The following ADCY1 variants were observed in gnomAD, a reference collection of about 807,000 sequenced individuals.
ADCY1 encodes the protein adenylate cyclase 1.
In ADCY1, 28 loss-of-function variants were observed where a neutral mutation model predicts 105.4. The observed-to-expected ratio is 0.27, with a 90% confidence interval of 0.20 to 0.36. The LOEUF is 0.36. Ranked by LOEUF, ADCY1 falls within the 10% of genes least tolerant of loss-of-function variation. The pLI is 1.00. For synonymous variants in ADCY1, 655 were observed against 623.8 expected (o/e 1.05, Z -0.75); for missense variants, 977 against 1,434.2 (o/e 0.68, Z 5.15).
intron 4 of ADCY1, among the ~76,000 whole-genome samples, chr7:45,625,516 G>T (rs553732781): frequency 6.6e-6 from 1 of 152,214 alleles, no homozygotes; most frequent in African/African-American, 2.4e-5. Flanking sequence ...TGTGAACATG[G>T]GTGTGCATGT....
chr7:45,662,379 C>T (rs1010772296), intron 8 of ADCY1, among the ~76,000 whole-genome samples, 165 bp downstream of exon 8: 27 of 152,174 alleles, frequency 1.8e-4, no homozygotes, highest in African/African-American at 6.0e-4. Flanking sequence ...TTATTTCCTG[C>T]AAAAGTCATT....
In ADCY1 at chr7:45,679,657, C is replaced by T. The variant is rs372427970; in HGVS notation, c.1899-52C>T. Reference sequence around the variant, plus strand: ...CCAATTCTCAGCCATCTCTTGGGTCCGCCTCTCCTAATCCCCACCTATCAG... The same window carrying T: ...CCAATTCTCAGCCATCTCTTGGGTCTGCCTCTCCTAATCCCCACCTATCAG... On this transcript the variant is annotated intron_variant, in intron 10 of 19. Coordinates refer to ENST00000297323, the MANE Select transcript of ADCY1 (RefSeq NM_021116.4). 2.8e-5 allele frequency: 45 copies of T among 1,590,756 alleles called. No homozygotes were observed. In the African/African-American group the frequency reaches 3.5e-4, roughly 12 times the overall value.
At chr7:45,630,858 A>T (rs953859110) in intron 4 of ADCY1, among the ~76,000 whole-genome samples, 3 of 152,028 alleles carry the variant, frequency 2.0e-5, no homozygotes, top group Admixed American at 2.0e-4. Context: ...GTTTGCATTT[A>T]CAGATTCCAG....
chr7:45,663,067 TG>T (rs1454821113), intron 8 of ADCY1, among the ~76,000 whole-genome samples: 6 of 152,208 alleles, frequency 3.9e-5, no homozygotes, highest in Non-Finnish European at 8.8e-5. Flanking sequence ...ATGTCTGTGG[TG>T]GTCCCAGTAG....
Position 45,722,556 on chromosome 7 carries a change from TCAAA to T in ADCY1, c.*8565_*8568del, listed in dbSNP as rs1785497609. 1 of 152,222 alleles carries T rather than the reference TCAAA, an allele frequency of 6.6e-6. No homozygotes were observed. Among genetic ancestry groups the T allele is most frequent in the Non-Finnish European group, 1.5e-5 (1 of 68,036 alleles). The allele number at this position is 152,222 out of a possible 1,614,324, so 9.4% of individuals were successfully genotyped here. ...TTTATACTGATTGCACACCCCCCGCTCAAACAACAATGTCCTTATTATGATGACC... is the reference window on the plus strand; with the variant it reads ...TTTATACTGATTGCACACCCCCCGCTCAACAATGTCCTTATTATGATGACC... On this transcript the variant is annotated 3_prime_UTR_variant, in exon 20 of 20. Coordinates refer to ENST00000297323, the MANE Select transcript of ADCY1 (RefSeq NM_021116.4).
intron 14 of ADCY1, among the ~76,000 whole-genome samples, chr7:45,696,387 T>TGA (rs1274853857): frequency 7.5e-6 from 1 of 133,350 alleles, no homozygotes; most frequent in African/African-American, 2.9e-5. Flanking sequence ...TGCAGTGAGC[T>TGA]GAGATCACCC....
At position 45,708,323 on chromosome 7, in the gene ADCY1, G is replaced by A; in HGVS notation, c.2818-27G>A. ...CCCTCTTGCCTTGCACTCCCCAGAT[G>A]TAATGACCCCATCTGTTTACACCTA... is the stretch of plus-strand genomic sequence containing the variant. On this transcript the variant is annotated intron_variant, in intron 17 of 19. Transcript: ENST00000297323. This position sits in a 1 kb window ranked among gnomAD's most constrained non-coding sequence, Gnocchi z 4.7. 1.3e-6 allele frequency: 2 copies of A among 1,573,100 alleles called. No individual in the cohort carries two copies. Among genetic ancestry groups the A allele is most frequent in the Non-Finnish European group, 1.7e-6 (2 of 1,143,290 alleles).
At chr7:45,680,276 C>T (rs77729758) in intron 11 of ADCY1, 2,260 of 196,774 alleles carry the variant, frequency 0.011, 19 homozygotes, top group Middle Eastern at 0.019. Flanking sequence ...ATGTCACAGA[C>T]TTTGGAGAGG....
At chr7:45,700,312 C>T (rs775772619) in intron 14 of ADCY1, among the ~76,000 whole-genome samples, 4 of 152,310 alleles carry the variant, frequency 2.6e-5, no homozygotes, top group African/African-American at 7.2e-5. Context: ...GATCTTTCTT[C>T]GTCCCGTCGG....
chr7:45,714,006 G>T lies in ADCY1; in HGVS notation c.*11G>T. On this transcript the variant is annotated 3_prime_UTR_variant, in exon 20 of 20. Transcript: ENST00000297323. ...GGGAAGGAGGCTTAGTGGAGCCCAC[G>T]TGGGCCTCTGGGGTGCACATGGGGT... is the stretch of plus-strand genomic sequence containing the variant. 1.3e-6 allele frequency: 1 copy of T among 769,054 alleles called. No individual in the cohort carries two copies. The highest frequency in any genetic ancestry group is 2.4e-6 in the Non-Finnish European group (1 of 411,110). The allele number at this position is 769,054 out of a possible 1,614,324, so 47.6% of individuals were successfully genotyped here.
At chr7:45,693,394 C>G (rs12702175) in intron 14 of ADCY1, among the ~76,000 whole-genome samples, 136,234 of 139,184 alleles carry the variant, frequency 0.98, 66,727 homozygotes, top group East Asian at 1. Flanking sequence ...GATTGGAATA[C>G]TTTCAGAAGG....
intron 2 of ADCY1, among the ~76,000 whole-genome samples, chr7:45,593,920 G>A (rs748519707): frequency 6.6e-6 from 1 of 152,222 alleles, no homozygotes; most frequent in Non-Finnish European, 1.5e-5. Flanking sequence ...GTAGGAGGGC[G>A]TGTCCATGTG....
intron 1 of ADCY1, among the ~76,000 whole-genome samples, chr7:45,585,855 G>A (rs1001450572): frequency 6.6e-6 from 1 of 152,176 alleles, no homozygotes; most frequent in Admixed American, 6.5e-5. Flanking sequence ...TTTGGCTGGT[G>A]TCACAGGTGC....
chr7:45,606,446 T>C (rs185403412), intron 2 of ADCY1, among the ~76,000 whole-genome samples: 1 of 152,362 alleles, frequency 6.6e-6, no homozygotes, highest in Non-Finnish European at 1.5e-5. Context: ...GCTGCTTTTG[T>C]TGTGTTTTCC....
chr7:45,576,917 T>C (rs965002176), intron 1 of ADCY1, among the ~76,000 whole-genome samples: 6 of 152,180 alleles, frequency 3.9e-5, no homozygotes, highest in African/African-American at 1.4e-4. Flanking sequence ...TGCGTTATTG[T>C]CTTTCTCTTT....
At chr7:45,709,577 A>G (rs1327236099) in intron 18 of ADCY1, among the ~76,000 whole-genome samples, 1 of 152,130 alleles carries the variant, frequency 6.6e-6, no homozygotes, top group Non-Finnish European at 1.5e-5. Flanking sequence ...AGCTCACACC[A>G]CTGTGCCGCC....
At chr7:45,633,897 A>G (rs974866917) in intron 4 of ADCY1, among the ~76,000 whole-genome samples, 2 of 152,104 alleles carry the variant, frequency 1.3e-5, no homozygotes, top group Non-Finnish European at 2.9e-5. Flanking sequence ...CTAAATAGAT[A>G]CTAGCCTATT....
rs554695597 is a variant in ADCY1, at chr7:45,592,186, C to A, written c.640-573C>A. Among the ~76,000 whole-genome samples the A allele has an allele frequency of 6.1e-3, 921 of 152,094 alleles. 4 individuals are homozygous for A. Among genetic ancestry groups the A allele is most frequent in the Non-Finnish European group, 9.7e-3 (659 of 68,004 alleles). On this transcript the variant is annotated intron_variant, in intron 1 of 19. Coordinates refer to ENST00000297323, the MANE Select transcript of ADCY1 (RefSeq NM_021116.4). The stretch of plus-strand genomic sequence containing the variant: ...TTTCTGAAGCTGCTATAACAAAGCA[C>A]CACAGACTGGGCACCTTAAACAACA...
rs774443495 is a variant in ADCY1, at chr7:45,720,170, CCTT to C, written c.*6179_*6181del. 5.9e-5 allele frequency: 9 copies of C among 151,970 alleles called. No individual in the cohort carries two copies. Among genetic ancestry groups the C allele is most frequent in the Non-Finnish European group, 1.0e-4 (7 of 68,024 alleles). The allele number at this position is 151,970 out of a possible 1,614,324, so 9.4% of individuals were successfully genotyped here. On this transcript the variant is annotated 3_prime_UTR_variant, in exon 20 of 20. Transcript: ENST00000297323. ...TGGAAGAGCAACAACAGACAGGTGA[CCTT>C]CTTGGGTTGTGCTTCACAATGGACT...
Sources: gnomAD v4.1 joint callset for allele counts (sites outside exome capture counted in the v4.1 genomes callset) on GRCh38, gnomAD v4.1.1 for gene constraint, Gnocchi (gnomAD v3.1) non-coding constraint, MANE v1.5 for transcripts, NCBI Gene and HGNC (gene_info 2026-07-23, HGNC 2026-07-21) for gene names.